PHF24: variants seen among roughly 807,000 people sequenced by gnomAD.
The protein encoded by PHF24 is PHD finger protein 24, also known as Galpha inhibitory interacting protein.
PHF24 carries 25 observed loss-of-function variants against 42.6 expected under a neutral mutation model. The observed-to-expected ratio is 0.59, with a 90% CI of 0.43 to 0.82. The LOEUF is 0.82. Ranked by LOEUF, PHF24 falls within the 40% of genes least tolerant of loss-of-function variation. PHF24 has a pLI of 0.00. For synonymous variants in PHF24, 185 were observed against 204.8 expected (o/e 0.90, Z 0.83); for missense variants, 470 against 538.1 (o/e 0.87, Z 1.25).
chr9:34,698,222 G>A, the PHF24 span, among the ~76,000 whole-genome samples: 1 of 151,986 alleles, frequency 6.6e-6, no homozygotes, highest in African/African-American at 2.4e-5. Flanking sequence ...CCTCTTGATT[G>A]GGTGGGGGGC....
chr9:34,840,167 G>T, the PHF24 span, among the ~76,000 whole-genome samples: 2 of 152,080 alleles, frequency 1.3e-5, no homozygotes, highest in Non-Finnish European at 2.9e-5. Flanking sequence ...TAGATTAATT[G>T]ATTTTTTAAA....
chr9:34,759,665 G>A, the PHF24 span, among the ~76,000 whole-genome samples: 5 of 152,106 alleles, frequency 3.3e-5, no homozygotes, highest in East Asian at 3.9e-4. Context: ...TCTATCACCC[G>A]TTAGCCTGAC....
the PHF24 span, among the ~76,000 whole-genome samples, chr9:34,855,001 G>A: frequency 6.6e-6 from 1 of 152,176 alleles, no homozygotes; most frequent in Non-Finnish European, 1.5e-5. Context: ...AGCTCTTCTT[G>A]TTGAATTGAA....
the PHF24 span, chr9:34,726,772 A>G: frequency 1.3e-6 from 2 of 1,551,724 alleles, no homozygotes; most frequent in Non-Finnish European, 1.7e-6. Flanking sequence ...TGTGCCAGGA[A>G]TGAAACTCCA....
At chr9:34,689,881 A>G in the PHF24 span, 6 of 1,614,140 alleles carry the variant, frequency 3.7e-6, no homozygotes, top group South Asian at 6.6e-5. The surrounding 1 kb of genome is among the most constrained non-coding windows in gnomAD (Gnocchi z 4.1). Flanking sequence ...CTGGAATCTT[A>G]GACAGGAGCT....
the PHF24 span, among the ~76,000 whole-genome samples, chr9:34,840,415 C>T: frequency 1.3e-5 from 2 of 151,536 alleles, no homozygotes; most frequent in African/African-American, 4.8e-5. Context: ...AATTTCCCTC[C>T]TTCTCCTCCT....
At chr9:34,899,109 G>C in the PHF24 span, among the ~76,000 whole-genome samples, 2 of 152,130 alleles carry the variant, frequency 1.3e-5, no homozygotes, top group Non-Finnish European at 2.9e-5. Context: ...TTCATGTAAT[G>C]ATCACAGCTA....
At chr9:34,774,630 G>A in the PHF24 span, among the ~76,000 whole-genome samples, 1 of 152,078 alleles carries the variant, frequency 6.6e-6, no homozygotes, top group African/African-American at 2.4e-5. Flanking sequence ...AAAAATTACT[G>A]GGAGCGGTGG....
chr9:34,732,889 A>G, the PHF24 span, among the ~76,000 whole-genome samples: 1 of 152,206 alleles, frequency 6.6e-6, no homozygotes, highest in Non-Finnish European at 1.5e-5. Context: ...ATGTTTGTAC[A>G]GTCTTCTTTG....
the PHF24 span, among the ~76,000 whole-genome samples, chr9:34,830,988 G>C: frequency 1.3e-5 from 2 of 152,216 alleles, no homozygotes; most frequent in Admixed American, 1.3e-4. Flanking sequence ...AAAAGGGCCA[G>C]AGTCCCACCA....
the PHF24 span, among the ~76,000 whole-genome samples, chr9:34,718,387 A>G: frequency 2.0e-5 from 3 of 152,150 alleles, no homozygotes; most frequent in Non-Finnish European, 4.4e-5. Context: ...GGGCCTGAGA[A>G]TGCACAGACC....
chr9:34,981,449 G>A (rs765529628), exon 8 of PHF24: 4 of 152,330 alleles, frequency 2.6e-5, no homozygotes, highest in Non-Finnish European at 5.9e-5. Context: ...CAGTCAGAGT[G>A]GTGCCAGGAA....
chr9:34,688,241 G>A, the PHF24 span, among the ~76,000 whole-genome samples: 1 of 152,108 alleles, frequency 6.6e-6, no homozygotes, highest in African/African-American at 2.4e-5. Flanking sequence ...CCCAAGCAAG[G>A]GTGCTCAATC....
the PHF24 span, among the ~76,000 whole-genome samples, chr9:34,949,482 A>T: frequency 6.6e-6 from 1 of 152,216 alleles, no homozygotes; most frequent in Admixed American, 6.5e-5. Context: ...CGTTTGACCC[A>T]GCAATCCCAT....
At chr9:34,699,476 A>G in the PHF24 span, among the ~76,000 whole-genome samples, 9 of 152,258 alleles carry the variant, frequency 5.9e-5, no homozygotes, top group African/African-American at 1.9e-4. Context: ...GCTGCCTGCA[A>G]CAACCCTGCT....
chr9:34,976,393 C>T lies in PHF24; in HGVS notation c.644-142C>T, dbSNP rs1444608866. 2.7e-5 allele frequency: 28 copies of T among 1,037,690 alleles called. No individual in the cohort carries two copies. The South Asian group carries it at 3.1e-4, about 12-fold the overall frequency. The allele number at this position is 1,037,690 out of a possible 1,614,324, so 64.3% of individuals were successfully genotyped here. ...CCAGCAGAGTCACCTATCCCTGTCACAGCCTGGGTGACCCTGGCCATGGGA... is the reference window on the plus strand; with the variant it reads ...CCAGCAGAGTCACCTATCCCTGTCATAGCCTGGGTGACCCTGGCCATGGGA... On this transcript the variant is annotated intron_variant, in intron 4 of 7. Coordinates refer to ENST00000242315, the Ensembl canonical transcript of PHF24.
At chr9:34,748,324 C>T in the PHF24 span, among the ~76,000 whole-genome samples, 2 of 152,096 alleles carry the variant, frequency 1.3e-5, no homozygotes, top group Non-Finnish European at 2.9e-5. Flanking sequence ...ATTATAGTCT[C>T]CAGTGTTAGA....
At chr9:34,959,205 C>A (rs1394092969) in intron 1 of PHF24, among the ~76,000 whole-genome samples, 2 of 152,064 alleles carry the variant, frequency 1.3e-5, no homozygotes, top group African/African-American at 4.8e-5. Flanking sequence ...TTTGACCGTG[C>A]GGAAGGAAGC....
the PHF24 span, chr9:34,728,074 G>A: frequency 7.7e-6 from 12 of 1,551,822 alleles, no homozygotes; most frequent in Admixed American, 1.6e-4. Flanking sequence ...TCCCGGGAAC[G>A]TCTCCTAGCT....
Sources: gnomAD v4.1 joint callset for allele counts (sites outside exome capture counted in the v4.1 genomes callset) on GRCh38, gnomAD v4.1.1 for gene constraint, Gnocchi (gnomAD v3.1) non-coding constraint, MANE v1.5 for transcripts, NCBI Gene and HGNC (gene_info 2026-07-23, HGNC 2026-07-21) for gene names.